The following CDC14B variants were observed in gnomAD, a reference collection of about 807,000 sequenced individuals.
CDC14B encodes cell division cycle 14B.
CDC14B carries 22 observed loss-of-function variants against 64.2 expected under a neutral mutation model. The ratio of observed to expected loss-of-function variants is 0.34; its 90% CI spans 0.24 to 0.49. The LOEUF is 0.49. Ranked by LOEUF, CDC14B falls within the 20% of genes least tolerant of loss-of-function variation. The pLI is 0.99. For missense variants in CDC14B, 498 were observed against 629.9 expected (o/e 0.79, Z 2.24); for synonymous variants, 191 against 215.8 (o/e 0.89, Z 1.01).
chr9:96,581,877 T>C (rs1322698123), intron 1 of CDC14B, among the ~76,000 whole-genome samples: 1 of 152,194 alleles, frequency 6.6e-6, no homozygotes, highest in Non-Finnish European at 1.5e-5. Context: ...AAATACAGCA[T>C]TGGTAGCTAG....
At chr9:96,598,526 A>G (rs999628125) in intron 1 of CDC14B, among the ~76,000 whole-genome samples, 1 of 152,132 alleles carries the variant, frequency 6.6e-6, no homozygotes, top group Admixed American at 6.6e-5. Context: ...CAGTAGAGAC[A>G]GGGTTTCACC....
chr9:96,516,244 G>A (rs534294522), intron 12 of CDC14B, among the ~76,000 whole-genome samples: 11 of 152,208 alleles, frequency 7.2e-5, no homozygotes, highest in African/African-American at 2.4e-4. Context: ...AAAAATGAAC[G>A]TAATACAGCA....
intron 1 of CDC14B, among the ~76,000 whole-genome samples, chr9:96,607,092 CA>C (rs200426635): frequency 3.0e-4 from 44 of 147,188 alleles, no homozygotes; most frequent in African/African-American, 1.1e-3. Flanking sequence ...TTAAAAAAAA[CA>C]AAAAAAAATC....
At chr9:96,541,960 G>A (rs574459556) in intron 5 of CDC14B, 68 bp from the exon 6 acceptor site, 1 of 1,052,330 alleles carries the variant, frequency 9.5e-7, no homozygotes, top group Non-Finnish European at 1.4e-6. Flanking sequence ...TAAGACAAAG[G>A]TGACTAGAAT....
At chr9:96,597,313 G>A (rs1362130023) in intron 1 of CDC14B, among the ~76,000 whole-genome samples, 1 of 152,026 alleles carries the variant, frequency 6.6e-6, no homozygotes, top group African/African-American at 2.4e-5. Context: ...GGCCAACATG[G>A]TGAAACCCCG....
At position 96,502,645 on chromosome 9, in the gene CDC14B, C is replaced by A. The variant is rs189695330; in HGVS notation, c.*1108G>T. On this transcript the variant is annotated 3_prime_UTR_variant, in exon 14 of 14. Coordinates refer to ENST00000375241, the MANE Select transcript of CDC14B (RefSeq NM_033331.4). ...ATCAATTCTGTTTCTGTAACTGCTTCATGGCACAGACTCTGCTGTGTTCCA... is the reference window on the plus strand; with the variant it reads ...ATCAATTCTGTTTCTGTAACTGCTTAATGGCACAGACTCTGCTGTGTTCCA... 5 of 358,726 alleles carry A rather than the reference C, an allele frequency of 1.4e-5. No homozygotes were observed. In the East Asian group the frequency reaches 1.6e-4, roughly 11 times the overall value. 22.2% of individuals were successfully genotyped at this position (358,726 alleles called of 1,614,324 possible). A position where few individuals can be genotyped will look rare whatever the true frequency, so the allele number is the denominator to read the frequency against.
At chr9:96,539,234 A>G (rs1186023104) in intron 6 of CDC14B, 94 bp from the exon 7 acceptor site, 9 of 843,386 alleles carry the variant, frequency 1.1e-5, no homozygotes. Context: ...GGGGCCCCCC[A>G]AGAAAGTATT....
At chr9:96,504,103 C>T (rs1411780778) in intron 13 of CDC14B, among the ~76,000 whole-genome samples, 1 of 152,200 alleles carries the variant, frequency 6.6e-6, no homozygotes, top group Admixed American at 6.5e-5. Flanking sequence ...AGTACCATGA[C>T]GCCGCCAGGG....
rs1292157449 is a variant in CDC14B, at chr9:96,515,506, A to G, written c.1344-5717T>C. 1 of 751,878 alleles carries G rather than the reference A, an allele frequency of 1.3e-6. No individual in the cohort carries two copies. Among genetic ancestry groups the G allele is most frequent in the Non-Finnish European group, 2.0e-6 (1 of 492,120 alleles). The allele number at this position is 751,878 out of a possible 1,614,324, so 46.6% of individuals were successfully genotyped here. On this transcript the variant is annotated intron_variant, in intron 12 of 13. Transcript: ENST00000375241. This position sits in a 1 kb window ranked among gnomAD's most constrained non-coding sequence, Gnocchi z 4.3. ...CTTCCCTCCCCACCACCATCCCATT[A>G]ATTGAAAAGATTCAGAAAAAGAACC...
intron 13 of CDC14B, among the ~76,000 whole-genome samples, chr9:96,504,216 T>C (rs562868607): frequency 1.3e-5 from 2 of 152,130 alleles, no homozygotes; most frequent in South Asian, 4.2e-4. Context: ...CTGGGTTATT[T>C]CAAAAGCCAG....
intron 4 of CDC14B, among the ~76,000 whole-genome samples, chr9:96,561,611 T>A (rs1160118306): frequency 6.6e-6 from 1 of 151,726 alleles, no homozygotes; most frequent in African/African-American, 2.4e-5. Context: ...CCCAAGTAGC[T>A]GGGACTACAG....
chr9:96,566,926 C>T (rs1180831154), intron 1 of CDC14B: 5 of 1,521,162 alleles, frequency 3.3e-6, no homozygotes, highest in Non-Finnish European at 4.4e-6. Flanking sequence ...TAAAGGGCCG[C>T]GCGGGGCAGC....
rs1369919770 is a variant in CDC14B, at chr9:96,541,816, T to C, written c.564+10A>G. 2 of 1,590,264 alleles carry C rather than the reference T, an allele frequency of 1.3e-6. No homozygotes were observed. The highest frequency in any genetic ancestry group is 1.1e-5 in the South Asian group (1 of 88,134). On this transcript the variant is annotated intron_variant, in intron 6 of 13. Transcript: ENST00000375241. ...AACACAACACTGGGTGCATCCTACATGTCACTCACCTTCTTTACTGCATGA... is the reference window on the plus strand; with the variant it reads ...AACACAACACTGGGTGCATCCTACACGTCACTCACCTTCTTTACTGCATGA...
intron 1 of CDC14B, among the ~76,000 whole-genome samples, chr9:96,599,534 T>C (rs1846294841): frequency 1.3e-5 from 2 of 152,192 alleles, no homozygotes; most frequent in South Asian, 4.1e-4. Context: ...ATCTGTTTAA[T>C]GCAATGTAGT....
intron 1 of CDC14B, among the ~76,000 whole-genome samples, chr9:96,589,297 C>T (rs927330625): frequency 1.3e-5 from 2 of 151,472 alleles, no homozygotes; most frequent in Admixed American, 1.3e-4. Flanking sequence ...TGAGATTGCG[C>T]CATTGCACTC....
downstream of CDC14B, among the ~76,000 whole-genome samples, chr9:96,498,473 GC>G (rs1474455178): frequency 2.0e-5 from 3 of 152,294 alleles, no homozygotes; most frequent in African/African-American, 4.8e-5. Flanking sequence ...CTCTCCCATG[GC>G]CCAAGCTTGC....
intron 5 of CDC14B, among the ~76,000 whole-genome samples, chr9:96,546,066 G>A (rs1000269197): frequency 1.3e-5 from 2 of 152,142 alleles, no homozygotes; most frequent in Non-Finnish European, 2.9e-5. Context: ...CTTAGAAACT[G>A]CACAACAATG....
downstream of CDC14B, among the ~76,000 whole-genome samples, chr9:96,497,716 C>A (rs1360266866): frequency 6.6e-6 from 1 of 152,084 alleles, no homozygotes; most frequent in Non-Finnish European, 1.5e-5. Context: ...TGGCTCTTAG[C>A]GTGTGCCAGA....
chr9:96,504,459 A>ATGCTGC (rs150018334), intron 13 of CDC14B, among the ~76,000 whole-genome samples: 1 of 152,176 alleles, frequency 6.6e-6, no homozygotes, highest in Non-Finnish European at 1.5e-5. Flanking sequence ...TCCTCGCCCG[A>ATGCTGC]TGCTGCTGCT....
Sources: gnomAD v4.1 joint callset for allele counts (sites outside exome capture counted in the v4.1 genomes callset) on GRCh38, gnomAD v4.1.1 for gene constraint, Gnocchi (gnomAD v3.1) non-coding constraint, MANE v1.5 for transcripts, NCBI Gene and HGNC (gene_info 2026-07-23, HGNC 2026-07-21) for gene names.